NAA15: variants seen among roughly 807,000 people sequenced by gnomAD.
NAA15 encodes the protein N-alpha-acetyltransferase 15, NatA auxiliary subunit, also known as N-terminal acetyltransferase.
Under a neutral mutation model 114.0 loss-of-function variants are expected in NAA15, and 34 were observed. The ratio of observed to expected loss-of-function variants is 0.30; its 90% CI spans 0.23 to 0.40. The LOEUF (loss-of-function observed/expected upper bound fraction) is 0.40, where lower values mean the gene tolerates loss of function less well. Among genes scored for constraint, NAA15 ranks in the 10% least tolerant of loss-of-function variants. The pLI is 1.00. For missense variants in NAA15, 658 were observed against 1,004.5 expected (o/e 0.66, Z 4.66); for synonymous variants, 340 against 338.0 (o/e 1.01, Z -0.06).
chr4:139,361,996 A>T, intron 14 of NAA15, 59 bp downstream of exon 14: 2 of 1,250,042 alleles, frequency 1.6e-6, no homozygotes, highest in Non-Finnish European at 2.3e-6. Context: ...TATGTGTATT[A>T]TGTTTTTCAT....
At chr4:139,320,134 C>G (rs952482523) in intron 1 of NAA15, among the ~76,000 whole-genome samples, 1 of 152,078 alleles carries the variant, frequency 6.6e-6, no homozygotes, top group African/African-American at 2.4e-5. Flanking sequence ...TGAGATTTTC[C>G]TCTTTGCATA....
intron 1 of NAA15, among the ~76,000 whole-genome samples, chr4:139,332,108 T>C (rs1747031175): frequency 6.6e-6 from 1 of 152,168 alleles, no homozygotes; most frequent in East Asian, 1.9e-4. Context: ...TTTTCTGTAT[T>C]ATATTCCTTA....
intron 1 of NAA15, among the ~76,000 whole-genome samples, chr4:139,311,028 G>A (rs1410961728): frequency 1.3e-5 from 2 of 151,826 alleles, no homozygotes; most frequent in African/African-American, 4.8e-5. Context: ...GGGTTCAAGC[G>A]ATTCTCCCAC....
intron 1 of NAA15, among the ~76,000 whole-genome samples, chr4:139,321,876 C>T (rs1052857564): frequency 6.6e-6 from 1 of 151,976 alleles, no homozygotes; most frequent in Non-Finnish European, 1.5e-5. Context: ...CTACTTACGT[C>T]ATTGTTATTA....
chr4:139,321,433 G>A (rs1003296379), intron 1 of NAA15, among the ~76,000 whole-genome samples: 1 of 150,672 alleles, frequency 6.6e-6, no homozygotes, highest in Non-Finnish European at 1.5e-5. Context: ...AGAAGCACTG[G>A]GATTACAAAC....
chr4:139,342,790 G>C (rs1224563529), intron 4 of NAA15, 36 bp from the exon 5 acceptor site: 2 of 1,595,644 alleles, frequency 1.3e-6, no homozygotes, highest in Admixed American at 3.5e-5. Context: ...GTTACTAAAA[G>C]CCTAAGAAAA....
intron 17 of NAA15, among the ~76,000 whole-genome samples, chr4:139,382,280 A>G (rs1212017969): frequency 6.6e-6 from 1 of 152,142 alleles, no homozygotes; most frequent in Non-Finnish European, 1.5e-5. Flanking sequence ...CCAGGAAAAT[A>G]TCCAGAAAAG....
intron 1 of NAA15, among the ~76,000 whole-genome samples, chr4:139,332,572 G>GGTTTTTTTTT (rs1747051837): frequency 1.6e-5 from 1 of 62,012 alleles, no homozygotes; most frequent in African/African-American, 7.8e-5. Context: ...TGGTTTGTAT[G>GGTTTTTTTTT]TTTTTTTTTT....
intron 14 of NAA15, among the ~76,000 whole-genome samples, chr4:139,369,737 C>CA (rs1247894181): frequency 0.052 from 4,101 of 78,650 alleles, 149 homozygotes; most frequent in Middle Eastern, 0.085. Flanking sequence ...GACTCCGTCT[C>CA]AAAAAAAAAA....
chr4:139,309,739 A>G (rs1039340154), intron 1 of NAA15, among the ~76,000 whole-genome samples: 4 of 152,182 alleles, frequency 2.6e-5, no homozygotes, highest in African/African-American at 9.7e-5. Context: ...TTTTGCGTCA[A>G]TAGAGTGGGT....
intron 13 of NAA15, among the ~76,000 whole-genome samples, chr4:139,361,414 A>G (rs2110958903): frequency 6.6e-6 from 1 of 152,288 alleles, no homozygotes; most frequent in South Asian, 2.1e-4. Flanking sequence ...ATGTAAATAA[A>G]TTATGTTTGA....
chr4:139,348,026 G>A (rs1456820849), intron 6 of NAA15, among the ~76,000 whole-genome samples: 7 of 143,116 alleles, frequency 4.9e-5, no homozygotes, highest in African/African-American at 1.1e-4. Flanking sequence ...GCGACAGAGC[G>A]AGACTCCGTC....
In NAA15 at chr4:139,341,712, C is replaced by CA. The variant is rs763798097; in HGVS notation, c.402+653dup. Among the ~76,000 whole-genome samples the CA allele has an allele frequency of 1.3e-3, 176 of 134,694 alleles. 1 individual carries two copies. Among genetic ancestry groups the CA allele is most frequent in the Non-Finnish European group, 1.4e-3 (88 of 62,742 alleles). The allele number at this position is 134,694 out of a possible 152,430, so 88.4% of individuals were successfully genotyped here. A position where few individuals can be genotyped will look rare whatever the true frequency, so the allele number is the denominator to read the frequency against. ...TCCCACATTTTTCTGGAAAGCAAAA[C>CA]AAAAAAAAAATTTTTTTTTTCTTGG... On this transcript the variant is annotated intron_variant, in intron 4 of 19. Coordinates refer to ENST00000296543, the MANE Select transcript of NAA15 (RefSeq NM_057175.5).
Position 139,357,574 on chromosome 4 carries a change from A to G in NAA15, c.1257+19A>G, listed in dbSNP as rs1286885371. 1.3e-6 allele frequency: 2 copies of G among 1,493,688 alleles called. No individual in the cohort carries two copies. Among genetic ancestry groups the G allele is most frequent in the South Asian group, 1.2e-5 (1 of 83,614 alleles). 92.5% of individuals were successfully genotyped at this position (1,493,688 alleles called of 1,614,324 possible). On this transcript the variant is annotated intron_variant, in intron 11 of 19. Coordinates refer to ENST00000296543, the MANE Select transcript of NAA15 (RefSeq NM_057175.5). ...CTATAAGGTAAAAATCTTTTTTTCT[A>G]TTTTCTTATAAGGTAATGAGACTTG... is the stretch of plus-strand genomic sequence containing the variant.
chr4:139,359,935 C>A, intron 12 of NAA15, 40 bp downstream of exon 12: 1 of 1,517,388 alleles, frequency 6.6e-7, no homozygotes. Context: ...ATAAAGAAGA[C>A]ATGAGCCAGT....
At chr4:139,382,007 G>A (rs1474976786) in intron 17 of NAA15, among the ~76,000 whole-genome samples, 4 of 152,028 alleles carry the variant, frequency 2.6e-5, no homozygotes, top group Admixed American at 2.0e-4. Flanking sequence ...CTTTCCTGAG[G>A]CCTTGATGTT....
At chr4:139,379,825 CT>C (rs1458636666) in intron 17 of NAA15, among the ~76,000 whole-genome samples, 1 of 152,168 alleles carries the variant, frequency 6.6e-6, no homozygotes, top group Non-Finnish European at 1.5e-5. Context: ...GGGCGGATCA[CT>C]TGCGGTCAGG....
chr4:139,323,053 CTTTTTTTT>C (rs67137305), intron 1 of NAA15, among the ~76,000 whole-genome samples: 1 of 117,486 alleles, frequency 8.5e-6, no homozygotes, highest in Admixed American at 9.0e-5. Context: ...CTTTTCTTTT[CTTTTTTTT>C]TTTTTTTTTT....
At chr4:139,307,887 G>T (rs1746076989) in intron 1 of NAA15, among the ~76,000 whole-genome samples, 1 of 152,072 alleles carries the variant, frequency 6.6e-6, no homozygotes, top group South Asian at 2.1e-4. Context: ...TAGGAGGAGG[G>T]TGAGGGAATT....
Sources: gnomAD v4.1 joint callset for allele counts (sites outside exome capture counted in the v4.1 genomes callset) on GRCh38, gnomAD v4.1.1 for gene constraint, MANE v1.5 for transcripts, NCBI Gene and HGNC (gene_info 2026-07-23, HGNC 2026-07-21) for gene names.